LIMCH1: variants seen among roughly 807,000 people sequenced by gnomAD.
The protein encoded by LIMCH1 is LIM and calponin homology domains-containing protein 1.
LIMCH1 carries 113 observed loss-of-function variants against 176.5 expected under a neutral mutation model. That is an observed-to-expected ratio of 0.64 (90% CI 0.55 to 0.75). LIMCH1 has a LOEUF of 0.75. Ranked by LOEUF, LIMCH1 falls within the 30% of genes least tolerant of loss-of-function variation. LIMCH1 has a pLI of 0.00. For synonymous variants in LIMCH1, 619 were observed against 645.9 expected (o/e 0.96, Z 0.63); for missense variants, 1,674 against 1,814.9 (o/e 0.92, Z 1.41).
At chr4:41,606,633 A>C (rs554148759) in intron 4 of LIMCH1, among the ~76,000 whole-genome samples, 59 of 152,348 alleles carry the variant, frequency 3.9e-4, no homozygotes, top group Admixed American at 1.2e-3. Flanking sequence ...TCAAGGAAAC[A>C]GTTGAATGTT....
chr4:41,580,269 T>C (rs2085199360), intron 1 of LIMCH1, among the ~76,000 whole-genome samples: 1 of 152,142 alleles, frequency 6.6e-6, no homozygotes, highest in Admixed American at 6.5e-5. Context: ...TTCCCCTGAA[T>C]CATGGCCACA....
intron 4 of LIMCH1, chr4:41,613,193 C>G (rs1554127134): frequency 2.7e-5 from 26 of 965,780 alleles, no homozygotes; most frequent in Non-Finnish European, 3.7e-5. Flanking sequence ...TTTCTCTACT[C>G]TTTTTTTTTT....
intron 13 of LIMCH1, among the ~76,000 whole-genome samples, chr4:41,635,689 A>G (rs2093552236): frequency 1.3e-5 from 2 of 152,362 alleles, no homozygotes; most frequent in South Asian, 2.1e-4. Flanking sequence ...ACAAGTGTTT[A>G]TCAAGTAATA....
intron 2 of LIMCH1, among the ~76,000 whole-genome samples, chr4:41,501,860 T>C (rs1320843261): frequency 1.6e-5 from 1 of 62,080 alleles, no homozygotes; most frequent in African/African-American, 1.6e-4. Flanking sequence ...TAGAATCCTT[T>C]TTTTTTTTTT....
intron 14 of LIMCH1, 71 bp downstream of exon 14, chr4:41,639,038 T>A: frequency 1.8e-6 from 2 of 1,142,040 alleles, no homozygotes; most frequent in Non-Finnish European, 2.5e-6. Flanking sequence ...TACTTACCAC[T>A]AATTGAAATG....
chr4:41,513,295 T>C (rs1252437097), intron 2 of LIMCH1, among the ~76,000 whole-genome samples: 1 of 152,202 alleles, frequency 6.6e-6, no homozygotes, highest in Non-Finnish European at 1.5e-5. Flanking sequence ...TGAAAAGGCG[T>C]TGCTTGCTGT....
chr4:41,493,765 C>T (rs1319163506), intron 1 of LIMCH1, among the ~76,000 whole-genome samples: 2 of 152,176 alleles, frequency 1.3e-5, no homozygotes, highest in Non-Finnish European at 1.5e-5. Context: ...ACAAATGTCT[C>T]CCTGGTGCCT....
chr4:41,396,539 C>G (rs539726201), intron 1 of LIMCH1, among the ~76,000 whole-genome samples: 1 of 151,252 alleles, frequency 6.6e-6, no homozygotes, highest in South Asian at 2.1e-4. Flanking sequence ...GTTTTGTTTT[C>G]TTTTGTTTGT....
intron 1 of LIMCH1, among the ~76,000 whole-genome samples, chr4:41,414,564 G>A (rs916766446): frequency 1.3e-5 from 2 of 152,146 alleles, no homozygotes; most frequent in East Asian, 3.9e-4. Flanking sequence ...CCGGGCGATT[G>A]ACATTTTTGT....
At chr4:41,575,188 C>A (rs1296842719) in intron 1 of LIMCH1, among the ~76,000 whole-genome samples, 1 of 152,188 alleles carries the variant, frequency 6.6e-6, no homozygotes, top group African/African-American at 2.4e-5. Flanking sequence ...AGTATGAAGA[C>A]ACTGACCAGA....
intron 1 of LIMCH1, among the ~76,000 whole-genome samples, chr4:41,394,750 G>A (rs1427018194): frequency 6.6e-6 from 1 of 152,194 alleles, no homozygotes; most frequent in Middle Eastern, 3.2e-3. Context: ...GTAGGGAAGG[G>A]TAGATTATTC....
intron 1 of LIMCH1, among the ~76,000 whole-genome samples, chr4:41,577,385 G>C (rs1313240445): frequency 1.3e-5 from 2 of 152,118 alleles, no homozygotes; most frequent in African/African-American, 4.8e-5. Context: ...ATACATCCTA[G>C]TGTTAACAGT....
chr4:41,640,535 A>G (rs2093775989), intron 14 of LIMCH1, among the ~76,000 whole-genome samples: 1 of 152,186 alleles, frequency 6.6e-6, no homozygotes, highest in Admixed American at 6.5e-5. Context: ...ATGCAGCCCC[A>G]GGGACCAAGA....
At chr4:41,389,053 C>T (rs1323280073) in intron 1 of LIMCH1, 1 of 152,178 alleles carries the variant, frequency 6.6e-6, no homozygotes, top group East Asian at 1.9e-4. Flanking sequence ...GGGAGGTGGC[C>T]AGAGTGCAAC....
chr4:41,539,123 C>T (rs1402726940), intron 1 of LIMCH1, among the ~76,000 whole-genome samples: 2 of 152,222 alleles, frequency 1.3e-5, no homozygotes, highest in African/African-American at 4.8e-5. Context: ...CAGAGCCTGG[C>T]GAATCCCTAT....
chr4:41,683,492 C>T (rs1345219606), intron 26 of LIMCH1, among the ~76,000 whole-genome samples: 1 of 152,224 alleles, frequency 6.6e-6, no homozygotes, highest in Non-Finnish European at 1.5e-5. Flanking sequence ...ATGTTTTCCT[C>T]TGGGGCTCTG....
rs1055204257 is a variant in LIMCH1 at position 41,685,606 on chromosome 4, G to A, written c.3968-104G>A. ...ATGTGCCCATGACCTGCATGAAATC[G>A]CTATAAAACCTCAACAGGCATTAGC... On this transcript the variant is annotated intron_variant, in intron 27 of 31. Coordinates refer to ENST00000503057, the MANE Select transcript of LIMCH1 (RefSeq NM_001330672.2). The A allele has an allele frequency of 4.7e-5, 63 of 1,346,672 alleles. No homozygotes were observed. In the South Asian group the frequency reaches 6.7e-4, roughly 14 times the overall value. The allele number at this position is 1,346,672 out of a possible 1,614,324, so 83.4% of individuals were successfully genotyped here.
At chr4:41,513,786 C>T (rs2075225310) in intron 2 of LIMCH1, among the ~76,000 whole-genome samples, 1 of 151,950 alleles carries the variant, frequency 6.6e-6, no homozygotes, top group Admixed American at 6.6e-5. Context: ...GGGCGGATCA[C>T]CTGAAGTCAG....
chr4:41,553,898 G>A (rs894993331), intron 1 of LIMCH1, among the ~76,000 whole-genome samples: 1 of 152,106 alleles, frequency 6.6e-6, no homozygotes, highest in Non-Finnish European at 1.5e-5. Context: ...GTATAGTGAC[G>A]TAAAAACAAA....
Sources: gnomAD v4.1 joint callset for allele counts (sites outside exome capture counted in the v4.1 genomes callset) on GRCh38, gnomAD v4.1.1 for gene constraint, MANE v1.5 for transcripts, NCBI Gene and HGNC (gene_info 2026-07-23, HGNC 2026-07-21) for gene names.